The following CYP7B1 variants were observed in gnomAD, a reference collection of about 807,000 sequenced individuals.
CYP7B1 encodes cytochrome P450 7B1.
In CYP7B1, 29 loss-of-function variants were observed where a neutral mutation model predicts 42.7. That is an observed-to-expected ratio of 0.68 (90% CI 0.51 to 0.93). The LOEUF is 0.93. CYP7B1 is among the 40% of genes least tolerant of loss of function. The probability of loss-of-function intolerance (pLI) is 0.00; values close to 1 mark genes in which losing one functional copy is unlikely to be tolerated. For missense variants in CYP7B1, 655 were observed against 600.5 expected (o/e 1.09, Z -0.95); for synonymous variants, 235 against 218.2 (o/e 1.08, Z -0.68).
intron 1 of CYP7B1, among the ~76,000 whole-genome samples, chr8:64,683,391 GAAT>G (rs1806569187): frequency 6.6e-6 from 1 of 152,102 alleles, no homozygotes; most frequent in African/African-American, 2.4e-5. Flanking sequence ...CTAAAAATCA[GAAT>G]AATTGAACTC....
chr8:64,605,527 C>G (rs569258773), intron 4 of CYP7B1, among the ~76,000 whole-genome samples: 1 of 152,164 alleles, frequency 6.6e-6, no homozygotes, highest in Non-Finnish European at 1.5e-5. Context: ...TGGCCTTCAC[C>G]TTTTACTCCT....
chr8:64,620,612 C>A (rs1457371410), intron 2 of CYP7B1, among the ~76,000 whole-genome samples: 1 of 152,198 alleles, frequency 6.6e-6, no homozygotes, highest in Non-Finnish European at 1.5e-5. Flanking sequence ...CATGCAAGAA[C>A]ATATACTCAG....
rs915206502 is a variant in CYP7B1, at chr8:64,795,578, G to T, written c.122+2888C>A. Among the ~76,000 whole-genome samples the T allele has an allele frequency of 1.5e-4, 23 of 152,156 alleles. 1 individual carries two copies. Among genetic ancestry groups the T allele is most frequent in the Middle Eastern group, 3.2e-3 (1 of 316 alleles). ...CCAAACCTTCCCTATCTAAGGAAAT[G>T]ATATTACCGTTCACTAAATAATCAG... is the stretch of plus-strand genomic sequence containing the variant. On this transcript the variant is annotated intron_variant, in intron 1 of 5. Transcript: ENST00000310193.
At chr8:64,654,769 C>G (rs1020303126) in intron 1 of CYP7B1, among the ~76,000 whole-genome samples, 4 of 152,174 alleles carry the variant, frequency 2.6e-5, no homozygotes, top group Non-Finnish European at 5.9e-5. Flanking sequence ...CAACTTCAAA[C>G]TATGCTACAG....
At chr8:64,707,331 C>T (rs1326840700) in intron 1 of CYP7B1, among the ~76,000 whole-genome samples, 1 of 152,060 alleles carries the variant, frequency 6.6e-6, no homozygotes, top group African/African-American at 2.4e-5. Flanking sequence ...GCCAGGCAAC[C>T]AGCTCTCTAA....
chr8:64,597,534 T>C (rs1805137524), intron 5 of CYP7B1, among the ~76,000 whole-genome samples: 1 of 152,222 alleles, frequency 6.6e-6, no homozygotes, highest in South Asian at 2.1e-4. Context: ...TTTTTGATGT[T>C]GTAGTTAATT....
intron 1 of CYP7B1, among the ~76,000 whole-genome samples, chr8:64,746,027 T>C (rs1686065245): frequency 1.3e-5 from 2 of 152,120 alleles, no homozygotes; most frequent in Admixed American, 1.3e-4. Context: ...ATCTATTTGA[T>C]ATTAAAGGAT....
chr8:64,686,831 C>G (rs1221510880), intron 1 of CYP7B1, among the ~76,000 whole-genome samples: 1 of 66,432 alleles, frequency 1.5e-5, no homozygotes, highest in Non-Finnish European at 3.1e-5. Flanking sequence ...GACCTTACCC[C>G]CAACCCTGTG....
chr8:64,609,215 G>A (rs533343508), intron 4 of CYP7B1, among the ~76,000 whole-genome samples: 4 of 152,224 alleles, frequency 2.6e-5, no homozygotes, highest in South Asian at 2.1e-4. Flanking sequence ...TTGGAAATAC[G>A]CACACATTCT....
chr8:64,731,621 C>T (rs1302397935), intron 1 of CYP7B1, among the ~76,000 whole-genome samples: 2 of 152,176 alleles, frequency 1.3e-5, no homozygotes, highest in East Asian at 3.9e-4. Flanking sequence ...TGCGTAAGTA[C>T]CAAGGAGCTG....
rs184051011 is a variant in CYP7B1 at position 64,681,017 on chromosome 8, A to G, written c.123-56478T>C. 3.0e-4 allele frequency among the ~76,000 whole-genome samples: 46 copies of G among 152,276 alleles called. No homozygotes were observed. The East Asian group carries it at 8.3e-3, about 27-fold the overall frequency. On this transcript the variant is annotated intron_variant, in intron 1 of 5. Transcript: ENST00000310193. ...CACCTGCCCCTCACCAGAATTTTCA[A>G]TTTTCTCACTGGAAATTATTTCAAA...
At chr8:64,700,449 A>G (rs1007640304) in intron 1 of CYP7B1, among the ~76,000 whole-genome samples, 2 of 152,146 alleles carry the variant, frequency 1.3e-5, no homozygotes, top group Non-Finnish European at 2.9e-5. Flanking sequence ...TTTTGAGAGA[A>G]GCTTGCTTCC....
At chr8:64,604,420 C>G (rs1026297365) in intron 5 of CYP7B1, among the ~76,000 whole-genome samples, 1 of 152,174 alleles carries the variant, frequency 6.6e-6, no homozygotes, top group Non-Finnish European at 1.5e-5. Flanking sequence ...GTGGCCAAGG[C>G]GCAATGTCCA....
chr8:64,604,857 T>C lies in CYP7B1; in HGVS notation c.1058A>G (p.Glu353Gly). ...TCGTAAAGCTTCAAAAATGCTGCTT[T>C]CTGAAGGAAAAAAACAAACGATAGC... ...REQLDSLICL[E>G]SSIFEALRLS... The change falls in exon 5 of 6, where the codon GAA becomes GGA. Residue 353 changes from glutamate (E) to glycine (G), a missense_variant and splice_region_variant. Coordinates refer to ENST00000310193, the MANE Select transcript of CYP7B1 (RefSeq NM_004820.5). 6.2e-7 allele frequency: 1 copy of C among 1,613,530 alleles called. No individual in the cohort carries two copies. Among genetic ancestry groups the C allele is most frequent in the Non-Finnish European group, 8.5e-7 (1 of 1,179,950 alleles).
At chr8:64,722,992 T>C (rs1563405147) in intron 1 of CYP7B1, among the ~76,000 whole-genome samples, 1 of 152,170 alleles carries the variant, frequency 6.6e-6, no homozygotes, top group South Asian at 2.1e-4. Flanking sequence ...CAATTGTAAG[T>C]GAATCGTAGC....
intron 1 of CYP7B1, among the ~76,000 whole-genome samples, chr8:64,713,192 C>A (rs569835390): frequency 6.6e-6 from 1 of 151,920 alleles, no homozygotes; most frequent in East Asian, 1.9e-4. Context: ...GTTTCCAGAC[C>A]CACCCTTAAA....
chr8:64,731,550 T>C (rs765318055), intron 1 of CYP7B1, among the ~76,000 whole-genome samples: 3 of 152,196 alleles, frequency 2.0e-5, no homozygotes, highest in Non-Finnish European at 4.4e-5. Flanking sequence ...TGCAGCCTAA[T>C]GATGAGATAT....
At position 64,615,879 on chromosome 8, in the gene CYP7B1, T is replaced by A. The variant is rs1805433819; in HGVS notation, c.662A>T (p.Asp221Val). 1 of 1,613,736 alleles carries A rather than the reference T, an allele frequency of 6.2e-7. No homozygotes were observed. Among genetic ancestry groups the A allele is most frequent in the Non-Finnish European group, 8.5e-7 (1 of 1,179,786 alleles). The change falls in exon 3 of 6, where the codon GAC (aspartate) becomes GTC (valine). Residue 221 changes from aspartate to valine, a missense_variant. Asp to Val is a radical substitution (Grantham distance 152, BLOSUM62 -3). Coordinates refer to ENST00000310193, the MANE Select transcript of CYP7B1 (RefSeq NM_004820.5). ...ELRDDFLKFD[D>V]KFAYLVSNIP... is the part of the protein sequence containing the mutation. Reference sequence around the variant, plus strand: ...GTTGGATACTAAATATGCAAACTTGTCATCAAATTTTAAAAAATCATCTCT... The same window carrying A: ...GTTGGATACTAAATATGCAAACTTGACATCAAATTTTAAAAAATCATCTCT...
chr8:64,606,257 C>T (rs1044491813), intron 4 of CYP7B1, among the ~76,000 whole-genome samples: 5 of 152,156 alleles, frequency 3.3e-5, no homozygotes, highest in Non-Finnish European at 5.9e-5. Context: ...AACATGGGCT[C>T]TACTGCAGAT....
Sources: allele counts gnomAD v4.1 joint callset (sites outside exome capture counted in the v4.1 genomes callset), GRCh38; gene constraint gnomAD v4.1.1; transcripts MANE v1.5; gene names NCBI Gene and HGNC (gene_info 2026-07-23, HGNC 2026-07-21).